The following SLC2A7 variants were observed in gnomAD, a reference collection of about 807,000 sequenced individuals.
SLC2A7 encodes the protein solute carrier family 2, facilitated glucose transporter member 7.
SLC2A7 carries 50 observed loss-of-function variants against 50.5 expected under a neutral mutation model. That is an observed-to-expected ratio of 0.99 (90% CI 0.79 to 1.25). The LOEUF is 1.25. Ranked by LOEUF, SLC2A7 falls within the 50% of genes most tolerant of loss-of-function variation. The probability of loss-of-function intolerance (pLI) is 0.00; values close to 1 mark genes in which losing one functional copy is unlikely to be tolerated. For missense variants in SLC2A7, 683 were observed against 679.1 expected, an observed-to-expected ratio of 1.01 and a Z score of -0.06; for synonymous variants, 308 against 300.4, an observed-to-expected ratio of 1.03 and a Z score of -0.26.
intron 10 of SLC2A7, 97 bp from the exon 11 acceptor site, chr1:9,004,976 T>C: frequency 7.3e-7 from 1 of 1,373,936 alleles, no homozygotes; most frequent in Non-Finnish European, 9.8e-7. Flanking sequence ...CCTAGGACCC[T>C]CAAGAGTACC....
chr1:9,015,150 T>C lies in SLC2A7; in HGVS notation c.682A>G (p.Ile228Val). 1 of 1,613,388 alleles carries C rather than the reference T, an allele frequency of 6.2e-7. No homozygotes were observed. The highest frequency in any genetic ancestry group is 8.5e-7 in the Non-Finnish European group (1 of 1,179,838). Reference sequence around the variant, plus strand: ...GCTGTGGCTTCATCTCCTTTCTGAATCAGGGAGTAGCGGGGGCTTTCGGGG... The same window carrying C: ...GCTGTGGCTTCATCTCCTTTCTGAACCAGGGAGTAGCGGGGGCTTTCGGGG... The part of the protein sequence containing the change: ...FFPESPRYSL[I>V]QKGDEATARQ... Residue 228 changes from isoleucine (I) to valine (V), a missense_variant, in exon 6 of 12, where the codon ATT becomes GTT. Ile to Val is a conservative substitution (Grantham distance 29). Coordinates refer to ENST00000400906, the MANE Select transcript of SLC2A7 (RefSeq NM_207420.3).
rs1366623329 is a variant in SLC2A7, at chr1:9,026,373, C to T, written c.-28G>A. The T allele has an allele frequency of 1.3e-6, 2 of 1,584,346 alleles. No individual in the cohort carries two copies. The highest frequency in any genetic ancestry group is 1.7e-6 in the Non-Finnish European group (2 of 1,163,250). On this transcript the variant is annotated 5_prime_UTR_variant, in exon 1 of 12. Transcript: ENST00000400906. ...TTGTTCAGGTGGGAGAACAGGTGTG[C>T]TCTACCTCCCAAGTGACACCTGCTC... is the stretch of plus-strand genomic sequence containing the variant.
intron 9 of SLC2A7, 51 bp from the exon 10 acceptor site, chr1:9,007,436 G>T (rs114421894): frequency 2.3e-5 from 36 of 1,561,104 alleles, no homozygotes; most frequent in Middle Eastern, 1.8e-4. Context: ...CCCCACGTGC[G>T]GGGGGGTCCA....
At chr1:8,997,863 A>T in the SLC2A7 span, among the ~76,000 whole-genome samples, 1 of 152,072 alleles carries the variant, frequency 6.6e-6, no homozygotes, top group East Asian at 1.9e-4. Flanking sequence ...AGTCCAATTT[A>T]TCAATTTTTT....
chr1:8,996,366 T>C, the SLC2A7 span, among the ~76,000 whole-genome samples: 1 of 152,368 alleles, frequency 6.6e-6, no homozygotes, highest in Non-Finnish European at 1.5e-5. Flanking sequence ...TCGTGTCTTT[T>C]TATTGCTGAA....
At chr1:9,018,164 C>A in intron 5 of SLC2A7, 59 bp downstream of exon 5, 2 of 1,607,300 alleles carry the variant, frequency 1.2e-6, no homozygotes, top group South Asian at 1.1e-5. Flanking sequence ...CCGTCAGTAA[C>A]ACCTGGCACA....
chr1:9,023,950 G>A (rs898876363), intron 2 of SLC2A7, among the ~76,000 whole-genome samples: 4 of 142,442 alleles, frequency 2.8e-5, no homozygotes, highest in African/African-American at 1.0e-4. Context: ...CTGATTCCCG[G>A]GTTCAAGTGA....
At chr1:8,997,932 C>T in the SLC2A7 span, among the ~76,000 whole-genome samples, 2 of 152,220 alleles carry the variant, frequency 1.3e-5, no homozygotes, top group African/African-American at 2.4e-5. Context: ...GATTTATCTC[C>T]TATTTAGAAG....
In SLC2A7 at chr1:9,015,124, C is replaced by T. The variant is rs145282539; in HGVS notation, c.708G>A (p.Ala236=). The T allele has an allele frequency of 5.0e-5, 80 of 1,613,148 alleles. No individual in the cohort carries two copies. Among genetic ancestry groups the T allele is most frequent in the African/African-American group, 1.9e-4 (14 of 74,898 alleles). ...TAGCCGGCGACTTCATACCTTGTCGCGCTGTGGCTTCATCTCCTTTCTGAA... is the reference window on the plus strand; with the variant it reads ...TAGCCGGCGACTTCATACCTTGTCGTGCTGTGGCTTCATCTCCTTTCTGAA... The part of the protein sequence containing the change: ...SLIQKGDEAT[A]RQALRRLRGH... The change falls in exon 6 of 12, where the codon GCG becomes GCA. Residue 236 remains alanine (A), a synonymous_variant. Coordinates refer to ENST00000400906, the MANE Select transcript of SLC2A7 (RefSeq NM_207420.3).
At position 9,003,214 on chromosome 1, in the gene SLC2A7, T is replaced by C; in HGVS notation, c.*86A>G. The C allele has an allele frequency of 7.9e-7, 1 of 1,268,544 alleles. No homozygotes were observed. The highest frequency in any genetic ancestry group is 1.1e-6 in the Non-Finnish European group (1 of 900,560). The allele number at this position is 1,268,544 out of a possible 1,614,324, so 78.6% of individuals were successfully genotyped here. A position where few individuals can be genotyped will look rare whatever the true frequency, so the allele number is the denominator to read the frequency against. On this transcript the variant is annotated 3_prime_UTR_variant, in exon 12 of 12. Coordinates refer to ENST00000400906, the MANE Select transcript of SLC2A7 (RefSeq NM_207420.3). ...GGCAACGACAAAAGCCTCCGTGCTA[T>C]TATCCTCCCCAGAGCCTGGGGCCGG...
rs556502046 is a variant in SLC2A7, at chr1:9,004,634, A to G, written c.1320+118T>C. On this transcript the variant is annotated intron_variant, in intron 11 of 11. Coordinates refer to ENST00000400906, the MANE Select transcript of SLC2A7 (RefSeq NM_207420.3). ...GCCACGTGTGTCTGTGGACCCTTGG[A>G]TGTGTCTGAGAGCCTGTCCCCACCT... 1.5e-5 allele frequency: 19 copies of G among 1,288,054 alleles called. 1 individual carries two copies. In the African/African-American group the frequency reaches 1.8e-4, roughly 12 times the overall value. The allele number at this position is 1,288,054 out of a possible 1,614,324, so 79.8% of individuals were successfully genotyped here. A position where few individuals can be genotyped will look rare whatever the true frequency, so the allele number is the denominator to read the frequency against.
intron 2 of SLC2A7, 113 bp from the exon 3 acceptor site, chr1:9,023,191 T>A: frequency 1.8e-6 from 2 of 1,107,860 alleles, no homozygotes; most frequent in African/African-American, 1.6e-5. Context: ...TGCTAACACC[T>A]ATAAGACACA....
intron 8 of SLC2A7, among the ~76,000 whole-genome samples, chr1:9,012,025 C>T (rs1640757901): frequency 6.6e-6 from 1 of 152,144 alleles, no homozygotes; most frequent in African/African-American, 2.4e-5. Flanking sequence ...GCAGGAATTA[C>T]AGGCATGAGC....
At chr1:9,014,453 G>A (rs192472412) in intron 7 of SLC2A7, among the ~76,000 whole-genome samples, 2 of 152,322 alleles carry the variant, frequency 1.3e-5, no homozygotes, top group Admixed American at 6.5e-5. Context: ...ATTGGCAGGA[G>A]GCATTCCTTC....
At chr1:9,004,710 G>A (rs1387166922) in intron 11 of SLC2A7, 42 bp downstream of exon 11, 36 of 1,611,224 alleles carry the variant, frequency 2.2e-5, no homozygotes, top group Admixed American at 5.0e-5. Context: ...CTTACTCCCT[G>A]GAGGCCCGGT....
At chr1:9,018,073 A>G in intron 5 of SLC2A7, 150 bp downstream of exon 5, 1 of 1,057,982 alleles carries the variant, frequency 9.5e-7, no homozygotes, top group Non-Finnish European at 1.3e-6. Context: ...AACAGCCCCG[A>G]CCACGTCACC....
downstream of SLC2A7, among the ~76,000 whole-genome samples, chr1:8,998,934 A>G (rs1640541616): frequency 6.6e-6 from 1 of 152,182 alleles, no homozygotes; most frequent in Non-Finnish European, 1.5e-5. Flanking sequence ...TTTTGGTGCC[A>G]GAGTAATTAT....
chr1:9,003,465 A>C lies in SLC2A7; in HGVS notation c.1374T>G (p.Thr458=). Residue 458 remains threonine (T), a synonymous_variant, in exon 12 of 12, where the codon ACT becomes ACG. Coordinates refer to ENST00000400906, the MANE Select transcript of SLC2A7 (RefSeq NM_207420.3). ...FIIFAGICLL[T]AIYIYVVIPE... is the part of the protein sequence containing the mutation. ...GAATAACCACGTAGATGTAAATCGC[A>C]GTGAGGAGGCAGATTCCGGCAAAGA... is the stretch of plus-strand genomic sequence containing the variant. The C allele has an allele frequency of 6.2e-7, 1 of 1,614,198 alleles. No homozygotes were observed. The highest frequency in any genetic ancestry group is 8.5e-7 in the Non-Finnish European group (1 of 1,180,020).
At position 9,010,229 on chromosome 1, in the gene SLC2A7, G is replaced by A. The variant is rs770644372; in HGVS notation, c.1030C>T (p.Arg344Trp). The change falls in exon 9 of 12, where the codon CGG (arginine) becomes TGG (tryptophan). Residue 344 changes from arginine to tryptophan, a missense_variant. Coordinates refer to ENST00000400906, the MANE Select transcript of SLC2A7 (RefSeq NM_207420.3). ...AGCAGGAGGTGCCGCCGTCCCAGCC[G>A]CTCCACAAGGACAGCCTGGAGGGGA... The part of the protein sequence containing the change: ...MTITSAVLVE[R>W]LGRRHLLLAG... 9.0e-6 allele frequency: 14 copies of A among 1,550,982 alleles called. No individual in the cohort carries two copies. Among genetic ancestry groups the A allele is most frequent in the Admixed American group, 3.9e-5 (2 of 50,988 alleles).
Sources: gnomAD v4.1 joint callset for allele counts (sites outside exome capture counted in the v4.1 genomes callset) on GRCh38, gnomAD v4.1.1 for gene constraint, MANE v1.5 for transcripts, NCBI Gene and HGNC (gene_info 2026-07-23, HGNC 2026-07-21) for gene names.